Variants in MSX2 observed in about 807,000 individuals in gnomAD.
MSX2 encodes the protein msh homeobox 2.
In MSX2, 10 loss-of-function variants were observed where a neutral mutation model predicts 18.4. That is an observed-to-expected ratio of 0.54 (90% CI 0.34 to 0.92). The LOEUF (loss-of-function observed/expected upper bound fraction) is 0.92, where lower values mean the gene tolerates loss of function less well. MSX2 is among the 40% of genes least tolerant of loss of function. MSX2 has a pLI of 0.02. For synonymous variants in MSX2, 170 were observed against 165.6 expected (o/e 1.03, Z -0.20); for missense variants, 339 against 364.0 (o/e 0.93, Z 0.56).
chr5:174,729,273 A>T lies in MSX2; in HGVS notation c.494A>T (p.Gln165Leu), dbSNP rs759220876. The T allele has an allele frequency of 6.2e-7, 1 of 1,614,214 alleles. No homozygotes were observed. The highest frequency in any genetic ancestry group is 1.1e-5 in the South Asian group (1 of 91,088). Residue 165 changes from glutamine (Q) to leucine (L), a missense_variant, in exon 2 of 2, where the codon CAG becomes CTG. Physicochemically the swap from Gln to Leu is moderately radical, Grantham distance 113. Around this residue, in one of 2 missense-constraint regions of MSX2, gnomAD observed 128 missense variants for 178.6 expected, o/e 0.72. Coordinates refer to ENST00000239243, the MANE Select transcript of MSX2 (RefSeq NM_002449.5). ...LALERKFRQKQYLSIAERAEF... is the reference protein window; with the variant it reads ...LALERKFRQKLYLSIAERAEF... ...CTGGAGCGCAAGTTCCGTCAGAAAC[A>T]GTACCTCTCCATTGCAGAGCGTGCA... is the stretch of plus-strand genomic sequence containing the variant.
chr5:174,725,092 G>T (rs757965685), intron 1 of MSX2, 54 bp downstream of exon 1: 1 of 1,595,746 alleles, frequency 6.3e-7, no homozygotes, highest in African/African-American at 1.3e-5. Flanking sequence ...TGGAGGGAGC[G>T]GGGGGCGGGT....
At chr5:174,725,570 C>T (rs1007501459) in intron 1 of MSX2, among the ~76,000 whole-genome samples, 6 of 151,854 alleles carry the variant, frequency 4.0e-5, no homozygotes, top group Non-Finnish European at 8.8e-5. Context: ...TTTCGTGAGT[C>T]CCGCGGGTGT....
chr5:174,729,524 A>G lies in MSX2; in HGVS notation c.745A>G (p.Ile249Val), dbSNP rs1760880294. 5.6e-6 allele frequency: 9 copies of G among 1,613,782 alleles called. No homozygotes were observed. The highest frequency in any genetic ancestry group is 7.6e-6 in the Non-Finnish European group (9 of 1,179,866). Reference sequence around the variant, plus strand: ...CCCGTTCCATAGACCTGTGCTTCCCATCCCGCCTGTGGGACTCTATGCCAC... The same window carrying G: ...CCCGTTCCATAGACCTGTGCTTCCCGTCCCGCCTGTGGGACTCTATGCCAC... ...SYPFHRPVLP[I>V]PPVGLYATPV... Residue 249 changes from isoleucine to valine, a missense_variant, in exon 2 of 2, where the codon ATC becomes GTC. Around this residue, in one of 2 missense-constraint regions of MSX2, gnomAD observed 128 missense variants for 178.6 expected, o/e 0.72. Transcript: ENST00000239243.
intron 1 of MSX2, among the ~76,000 whole-genome samples, chr5:174,728,429 G>T (rs1392343306): frequency 6.6e-6 from 1 of 150,496 alleles, no homozygotes. Context: ...ATGACAGCTT[G>T]TGACTGTTTA....
At chr5:174,725,080 A>G (rs1361765346) in intron 1 of MSX2, 42 bp downstream of exon 1, 1 of 1,603,974 alleles carries the variant, frequency 6.2e-7, no homozygotes, top group Admixed American at 1.7e-5. Flanking sequence ...AGCGCGGGGT[A>G]CTGGAGGGAG....
Position 174,724,649 on chromosome 5 carries a change from G to A in MSX2, c.-11G>A. The A allele has an allele frequency of 1.9e-6, 3 of 1,583,284 alleles. No homozygotes were observed. Among genetic ancestry groups the A allele is most frequent in the Non-Finnish European group, 2.6e-6 (3 of 1,165,810 alleles). On this transcript the variant is annotated 5_prime_UTR_variant, in exon 1 of 2. Coordinates refer to ENST00000239243, the MANE Select transcript of MSX2 (RefSeq NM_002449.5). ...AGTCGCGCGTCGGGAGCTACGTAGG[G>A]CAGAGAAGTCATGGCTTCTCCGTCC...
At chr5:174,726,010 G>T (rs1439506905) in intron 1 of MSX2, among the ~76,000 whole-genome samples, 1 of 152,098 alleles carries the variant, frequency 6.6e-6, no homozygotes, top group Non-Finnish European at 1.5e-5. Context: ...CCACTTTTGC[G>T]TCCTCTCCCC....
chr5:174,726,246 T>C (rs1351961445), intron 1 of MSX2, among the ~76,000 whole-genome samples: 1 of 152,130 alleles, frequency 6.6e-6, no homozygotes, highest in African/African-American at 2.4e-5. Flanking sequence ...GTGGGGGCTG[T>C]GGAGGGACTT....
At position 174,729,655 on chromosome 5, in the gene MSX2, A is replaced by T; in HGVS notation, c.*72A>T. On this transcript the variant is annotated 3_prime_UTR_variant, in exon 2 of 2. Coordinates refer to ENST00000239243, the MANE Select transcript of MSX2 (RefSeq NM_002449.5). ...GTTTCCTCTCCCTCTCCACGAAGGC[A>T]GTACCAGCCAGTACTCCTGCTCTGC... is the stretch of plus-strand genomic sequence containing the variant. 6.9e-7 allele frequency: 1 copy of T among 1,458,042 alleles called. No homozygotes were observed. The highest frequency in any genetic ancestry group is 1.1e-5 in the South Asian group (1 of 87,722). 90.3% of individuals were successfully genotyped at this position (1,458,042 alleles called of 1,614,324 possible). A position where few individuals can be genotyped will look rare whatever the true frequency, so the allele number is the denominator to read the frequency against.
chr5:174,725,254 G>A (rs779768693), intron 1 of MSX2, among the ~76,000 whole-genome samples: 1 of 152,196 alleles, frequency 6.6e-6, no homozygotes, highest in Non-Finnish European at 1.5e-5. Context: ...TAACCGCGCT[G>A]TGTGTGTCTG....
chr5:174,726,437 A>G (rs1760799492), intron 1 of MSX2, among the ~76,000 whole-genome samples: 1 of 152,122 alleles, frequency 6.6e-6, no homozygotes, highest in Non-Finnish European at 1.5e-5. Flanking sequence ...AGATTAAGGG[A>G]CTCAAAGAAT....
rs752218690 is a variant in MSX2, at chr5:174,729,280, C to G, written c.501C>G (p.Leu167=). 6.2e-7 allele frequency: 1 copy of G among 1,614,184 alleles called. No homozygotes were observed. Among genetic ancestry groups the G allele is most frequent in the Non-Finnish European group, 8.5e-7 (1 of 1,180,040 alleles). ...LERKFRQKQY[L]SIAERAEFSS... is the part of the protein sequence containing the mutation. ...GCAAGTTCCGTCAGAAACAGTACCT[C>G]TCCATTGCAGAGCGTGCAGAGTTCT... Residue 167 remains leucine, a synonymous_variant, in exon 2 of 2, where the codon CTC becomes CTG. Coordinates refer to ENST00000239243, the MANE Select transcript of MSX2 (RefSeq NM_002449.5).
rs1486899459 is a variant in MSX2 at position 174,730,822 on chromosome 5, A to T, written c.*1239A>T. On this transcript the variant is annotated 3_prime_UTR_variant, in exon 2 of 2. Coordinates refer to ENST00000239243, the MANE Select transcript of MSX2 (RefSeq NM_002449.5). ...GTGCTTGTACAATTTGATATATTTT[A>T]TTGAAGAGTTATCTCTTATTCTGAA... The T allele has an allele frequency of 6.6e-6, 1 of 152,512 alleles. No homozygotes were observed. The highest frequency in any genetic ancestry group is 2.4e-5 in the African/African-American group (1 of 41,424). The allele number at this position is 152,512 out of a possible 1,614,324, so 9.4% of individuals were successfully genotyped here.
In MSX2 at chr5:174,729,734, G is replaced by A; in HGVS notation, c.*151G>A. 1.3e-6 allele frequency: 1 copy of A among 758,456 alleles called. No homozygotes were observed. Among genetic ancestry groups the A allele is most frequent in the Admixed American group, 2.2e-5 (1 of 45,860 alleles). The allele number at this position is 758,456 out of a possible 1,614,324, so 47.0% of individuals were successfully genotyped here. ...TAGGCTGACAGGGCCACACGACATA[G>A]CTGAAATTTGTTCTGTAGGCGGAGG... On this transcript the variant is annotated 3_prime_UTR_variant, in exon 2 of 2. Transcript: ENST00000239243.
chr5:174,726,976 C>T (rs1303214145), intron 1 of MSX2, among the ~76,000 whole-genome samples: 1 of 152,054 alleles, frequency 6.6e-6, no homozygotes, highest in Non-Finnish European at 1.5e-5. Context: ...TGTGACCTTC[C>T]CATGAAAAGA....
At chr5:174,725,098 C>T (rs768589268) in intron 1 of MSX2, 60 bp downstream of exon 1, 3 of 1,585,422 alleles carry the variant, frequency 1.9e-6, no homozygotes, top group Admixed American at 3.7e-5. Context: ...GAGCGGGGGG[C>T]GGGTGTTCCA....
At chr5:174,725,940 C>T (rs1760786713) in intron 1 of MSX2, among the ~76,000 whole-genome samples, 1 of 152,148 alleles carries the variant, frequency 6.6e-6, no homozygotes, top group Non-Finnish European at 1.5e-5. Context: ...TACCAACAAC[C>T]ACTGATTGGC....
chr5:174,728,147 C>A (rs1398616145), intron 1 of MSX2, among the ~76,000 whole-genome samples: 3 of 152,052 alleles, frequency 2.0e-5, no homozygotes, highest in African/African-American at 2.4e-5. Flanking sequence ...TGTTGGCATA[C>A]CTTTATTTTG....
In MSX2 at chr5:174,729,236, C is replaced by T. The variant is rs2113498696; in HGVS notation, c.457C>T (p.Gln153Ter). The change falls in exon 2 of 2, where the codon CAG (glutamine) becomes TAG (stop). Residue 153 changes from glutamine (Q) to a stop codon, truncating the protein, a stop_gained. Coordinates refer to ENST00000239243, the MANE Select transcript of MSX2 (RefSeq NM_002449.5). LOFTEE classifies it high-confidence loss of function. ...GCCGCGCACGCCCTTTACCACATCC[C>T]AGCTCCTCGCCCTGGAGCGCAAGTT... is the stretch of plus-strand genomic sequence containing the variant. ...RKPRTPFTTS[Q>*]LLALERKFRQ... 2 of 1,614,206 alleles carry T rather than the reference C, an allele frequency of 1.2e-6. No individual in the cohort carries two copies. Among genetic ancestry groups the T allele is most frequent in the Non-Finnish European group, 1.7e-6 (2 of 1,180,046 alleles).
Sources: allele counts gnomAD v4.1 joint callset (sites outside exome capture counted in the v4.1 genomes callset), GRCh38; gene constraint gnomAD v4.1.1; regional missense constraint gnomAD v4.1.1; transcripts MANE v1.5; gene names NCBI Gene and HGNC (gene_info 2026-07-23, HGNC 2026-07-21).